DHX36: variants seen among roughly 807,000 people sequenced by gnomAD.
DHX36 encodes ATP-dependent DNA/RNA helicase DHX36.
A neutral mutation model predicts 139.0 loss-of-function variants in DHX36; 50 were observed. The observed-to-expected ratio is 0.36, with a 90% CI of 0.29 to 0.46. The LOEUF (loss-of-function observed/expected upper bound fraction) is 0.46. Among genes scored for constraint, DHX36 ranks in the 20% least tolerant of loss-of-function variants. The pLI, the probability that DHX36 is intolerant of heterozygous loss-of-function variation, is 1.00. For synonymous variants in DHX36, 425 were observed against 401.9 expected (o/e 1.06, Z -0.69); for missense variants, 1,024 against 1,211.3 (o/e 0.85, Z 2.29).
In DHX36 at chr3:154,276,202, G is replaced by A. The variant is rs147970714; in HGVS notation, c.2996C>T (p.Pro999Leu). The A allele has an allele frequency of 2.3e-4, 375 of 1,612,510 alleles. No homozygotes were observed. Among genetic ancestry groups the A allele is most frequent in the Admixed American group, 6.7e-5 (4 of 59,766 alleles). The change falls in exon 25 of 25, where the codon CCG (proline) becomes CTG (leucine). Residue 999 changes from proline to leucine, a missense_variant. Physicochemically the swap from Pro to Leu is moderately conservative, Grantham distance 98. Around this residue, in one of 4 missense-constraint regions of DHX36, gnomAD observed 470 missense variants for 616.2 expected, o/e 0.76. Coordinates refer to ENST00000496811, the MANE Select transcript of DHX36 (RefSeq NM_020865.3). ...TQEKATPRNF[P>L]PRFQDGYYS ...GTAATATCCATCCTGGAATCGTGGC[G>A]GAAAGTTCCTGGGAGTTGCCTTTTC...
At chr3:154,291,662 T>C (rs1711816985) in intron 15 of DHX36, among the ~76,000 whole-genome samples, 1 of 152,234 alleles carries the variant, frequency 6.6e-6, no homozygotes, top group Non-Finnish European at 1.5e-5. Context: ...ATGGATATTG[T>C]ACAAACTTAA....
intron 19 of DHX36, 147 bp from the exon 20 acceptor site, chr3:154,283,418 A>C: frequency 1.6e-6 from 1 of 606,712 alleles, no homozygotes; most frequent in Non-Finnish European, 2.9e-6. Context: ...TAACTGATAA[A>C]ACTAAAAACA....
intron 12 of DHX36, among the ~76,000 whole-genome samples, chr3:154,297,785 G>T (rs1712101257): frequency 6.6e-6 from 1 of 151,462 alleles, no homozygotes; most frequent in East Asian, 1.9e-4. Flanking sequence ...AGTTAGCCAG[G>T]GATAATAAAA....
rs769096241 is a variant in DHX36, at chr3:154,283,194, T to G, written c.2370A>C (p.Thr790=). The G allele has an allele frequency of 6.2e-7, 1 of 1,611,176 alleles. No individual in the cohort carries two copies. Among genetic ancestry groups the G allele is most frequent in the South Asian group, 1.1e-5 (1 of 91,004 alleles). Residue 790 remains threonine (T), a synonymous_variant, in exon 20 of 25, where the codon ACA becomes ACC. Transcript: ENST00000496811. ...GCAAAACATTCACCATTACCTGCAGTGTGTTTGAAGACAGAAAATATTCCC... is the reference window on the plus strand; with the variant it reads ...GCAAAACATTCACCATTACCTGCAGGGTGTTTGAAGACAGAAAATATTCCC... ...YCWEYFLSSN[T]LQMLHNMKGQ...
chr3:154,289,663 A>C (rs1559948322), intron 16 of DHX36, 46 bp downstream of exon 16: 1 of 1,098,756 alleles, frequency 9.1e-7, no homozygotes. Flanking sequence ...GATGTTGAAA[A>C]TGAGATCACT....
Position 154,276,896 on chromosome 3 carries a change from A to G in DHX36, c.2692T>C (p.Tyr898His), listed in dbSNP as rs199866859. ...GAAACCTCTGTGCAGTCATACAAGTATATCTGTAATGAAAATTAAAGTGAA... is the reference window on the plus strand; with the variant it reads ...GAAACCTCTGTGCAGTCATACAAGTGTATCTGTAATGAAAATTAAAGTGAA... ...YHLKMRTSSI[Y>H]LYDCTEVSPY... is the part of the protein sequence containing the mutation. The change falls in exon 24 of 25, where the codon TAC (tyrosine) becomes CAC (histidine). Residue 898 changes from tyrosine (Y) to histidine (H), a missense_variant. Tyr to His is a moderately conservative substitution (Grantham distance 83). This residue lies in a region of DHX36 where 470 missense variants were observed against 616.2 expected (regional missense o/e 0.76). Coordinates refer to ENST00000496811, the MANE Select transcript of DHX36 (RefSeq NM_020865.3). The G allele has an allele frequency of 3.6e-5, 57 of 1,604,600 alleles. No individual in the cohort carries two copies. The highest frequency in any genetic ancestry group is 1.7e-4 in the Middle Eastern group (1 of 6,046).
intron 13 of DHX36, among the ~76,000 whole-genome samples, chr3:154,294,254 C>T (rs1217114593): frequency 1.3e-5 from 2 of 152,016 alleles, no homozygotes; most frequent in African/African-American, 4.8e-5. Context: ...CCACTGTCTA[C>T]TAGCTTGAGA....
rs769378583 is a variant in DHX36, at chr3:154,292,576, T to C, written c.1789A>G (p.Lys597Glu). Residue 597 changes from lysine to glutamate, a missense_variant, in exon 15 of 25, where the codon AAA becomes GAA. By Grantham distance (56) the Lys-to-Glu change is moderately conservative (BLOSUM62 1). Transcript: ENST00000496811. Reference sequence around the variant, plus strand: ...CTTCCAGCTCGACCTTTTCTCTGTTTGGCATTAGCTTTACTAACCCACTCA... The same window carrying C: ...CTTCCAGCTCGACCTTTTCTCTGTTCGGCATTAGCTTTACTAACCCACTCA... Reference protein sequence around the residue: ...SAEWVSKANAKQRKGRAGRVQ... With the variant: ...SAEWVSKANAEQRKGRAGRVQ... 1.2e-6 allele frequency: 2 copies of C among 1,614,100 alleles called. No homozygotes were observed. Among genetic ancestry groups the C allele is most frequent in the Non-Finnish European group, 1.7e-6 (2 of 1,180,000 alleles).
intron 19 of DHX36, among the ~76,000 whole-genome samples, chr3:154,283,606 T>C (rs905762328): frequency 2.6e-5 from 4 of 151,984 alleles, no homozygotes; most frequent in Non-Finnish European, 5.9e-5. Flanking sequence ...AATGCTATTA[T>C]ATATTTTCAA....
chr3:154,295,601 A>C (rs1231140468), intron 12 of DHX36, among the ~76,000 whole-genome samples: 1 of 152,196 alleles, frequency 6.6e-6, no homozygotes, highest in Non-Finnish European at 1.5e-5. Context: ...TGAGCGCTCC[A>C]AGTTCAAGCT....
In DHX36 at chr3:154,276,105, C is replaced by G; in HGVS notation, c.*66G>C. On this transcript the variant is annotated 3_prime_UTR_variant, in exon 25 of 25. Transcript: ENST00000496811. Reference sequence around the variant, plus strand: ...TCATGTCCCAGGGTTTGGCATCCAGCCAAAATTTAAACAATGATGAAGAAT... The same window carrying G: ...TCATGTCCCAGGGTTTGGCATCCAGGCAAAATTTAAACAATGATGAAGAAT... 6.5e-7 allele frequency: 1 copy of G among 1,535,806 alleles called. No individual in the cohort carries two copies. The highest frequency in any genetic ancestry group is 1.4e-5 in the African/African-American group (1 of 72,236).
At chr3:154,285,023 G>A in intron 17 of DHX36, 36 bp from the exon 18 acceptor site, 3 of 1,603,496 alleles carry the variant, frequency 1.9e-6, no homozygotes, top group African/African-American at 1.3e-5. Flanking sequence ...AATAGATCCT[G>A]TAAAGCATTA....
At chr3:154,310,575 G>A (rs1482027158) in intron 4 of DHX36, among the ~76,000 whole-genome samples, 4 of 150,746 alleles carry the variant, frequency 2.7e-5, no homozygotes, top group African/African-American at 9.8e-5. Context: ...GAGGTCAGGA[G>A]ATTGAGACCA....
At chr3:154,304,179 CATAAAT>C (rs1352104474) in intron 8 of DHX36, among the ~76,000 whole-genome samples, 1 of 152,142 alleles carries the variant, frequency 6.6e-6, no homozygotes, top group Non-Finnish European at 1.5e-5. Flanking sequence ...ATTTATTAAA[CATAAAT>C]ATATTACATT....
Position 154,276,145 on chromosome 3 carries a change from C to T in DHX36, c.*26G>A, listed in dbSNP as rs1719141520. 8 of 1,584,028 alleles carry T rather than the reference C, an allele frequency of 5.1e-6. No individual in the cohort carries two copies. The highest frequency in any genetic ancestry group is 1.2e-5 in the South Asian group (1 of 86,124). On this transcript the variant is annotated 3_prime_UTR_variant, in exon 25 of 25. Transcript: ENST00000496811. ...TGATGAAGAATGGCTGTCAAACTGGCTTTTCAGACCACCCCTGAAAAGCTG... is the reference window on the plus strand; with the variant it reads ...TGATGAAGAATGGCTGTCAAACTGGTTTTTCAGACCACCCCTGAAAAGCTG...
chr3:154,273,777 GT>G lies in DHX36; in HGVS notation c.*2393del, dbSNP rs1219617780. The G allele has an allele frequency of 6.6e-6, 1 of 152,188 alleles. No individual in the cohort carries two copies. Among genetic ancestry groups the G allele is most frequent in the Non-Finnish European group, 1.5e-5 (1 of 68,040 alleles). 9.4% of individuals were successfully genotyped at this position (152,188 alleles called of 1,614,324 possible). A position where few individuals can be genotyped will look rare whatever the true frequency, so the allele number is the denominator to read the frequency against. Reference sequence around the variant, plus strand: ...GCATTATCAATACATCCCAGTCATTGTATGATACTATTAACTCTTTCGGTTT... The same window carrying G: ...GCATTATCAATACATCCCAGTCATTGATGATACTATTAACTCTTTCGGTTT... On this transcript the variant is annotated 3_prime_UTR_variant, in exon 25 of 25. Coordinates refer to ENST00000496811, the MANE Select transcript of DHX36 (RefSeq NM_020865.3).
rs188316280 is a variant in DHX36, at chr3:154,293,854, T to C, written c.1606-42A>G. ...ATCAGAATCACAAAAGTACACTAAC[T>C]TCTAATACATTATATTTGTAATTAG... is the stretch of plus-strand genomic sequence containing the variant. On this transcript the variant is annotated intron_variant, in intron 13 of 24. Transcript: ENST00000496811. 130 of 1,372,354 alleles carry C rather than the reference T, an allele frequency of 9.5e-5. No homozygotes were observed. The Admixed American group carries it at 9.9e-4, about 10-fold the overall frequency. The allele number at this position is 1,372,354 out of a possible 1,614,324, so 85.0% of individuals were successfully genotyped here.
At chr3:154,309,446 T>C (rs1010489296) in intron 5 of DHX36, among the ~76,000 whole-genome samples, 2 of 152,202 alleles carry the variant, frequency 1.3e-5, no homozygotes, top group African/African-American at 4.8e-5. Flanking sequence ...ATCAATTTTA[T>C]CTTGAATTCA....
chr3:154,316,544 G>A (rs1559960471), intron 1 of DHX36, among the ~76,000 whole-genome samples: 1 of 151,948 alleles, frequency 6.6e-6, no homozygotes, highest in Non-Finnish European at 1.5e-5. Flanking sequence ...TACGAAAAAA[G>A]TTGAAAACTG....
Sources: allele counts gnomAD v4.1 joint callset (sites outside exome capture counted in the v4.1 genomes callset), GRCh38; gene constraint gnomAD v4.1.1; regional missense constraint gnomAD v4.1.1; transcripts MANE v1.5; gene names NCBI Gene and HGNC (gene_info 2026-07-23, HGNC 2026-07-21).